Variants in BMERB1 observed in about 807,000 individuals in gnomAD.
BMERB1 encodes the protein bMERB domain containing 1.
Under a neutral mutation model 23.6 loss-of-function variants are expected in BMERB1, and 12 were observed. The ratio of observed to expected loss-of-function variants is 0.51; its 90% CI spans 0.33 to 0.82. The LOEUF (loss-of-function observed/expected upper bound fraction) is 0.82. BMERB1 is among the 40% of genes least tolerant of loss of function. The pLI, the probability that BMERB1 is intolerant of heterozygous loss-of-function variation, is 0.03. For synonymous variants in BMERB1, 122 were observed against 96.6 expected (o/e 1.26, Z -1.54); for missense variants, 247 against 255.4 (o/e 0.97, Z 0.22).
intron 1 of BMERB1, among the ~76,000 whole-genome samples, chr16:15,437,471 C>T (rs939031141): frequency 1.3e-5 from 2 of 152,156 alleles, no homozygotes; most frequent in African/African-American, 2.4e-5. Flanking sequence ...TAGACAGAAC[C>T]TGCTTTTACT....
intron 2 of BMERB1, among the ~76,000 whole-genome samples, chr16:15,534,286 CAAAAAAAAAAAAAAAAA>C (rs1168488547): frequency 7.1e-5 from 3 of 41,960 alleles, no homozygotes; most frequent in Non-Finnish European, 1.1e-4. Context: ...TTTTTAATTG[CAAAAAAAAAAAAAAAAA>C]AAAAAAAAAA....
chr16:15,534,265 C>G (rs2051999947), intron 2 of BMERB1, among the ~76,000 whole-genome samples: 1 of 130,950 alleles, frequency 7.6e-6, no homozygotes, highest in Non-Finnish European at 1.6e-5. Context: ...CCTGCAAAGA[C>G]CTTGATTTTT....
chr16:15,551,044 G>A (rs2030075652), intron 2 of BMERB1, among the ~76,000 whole-genome samples: 1 of 152,174 alleles, frequency 6.6e-6, no homozygotes, highest in African/African-American at 2.4e-5. Flanking sequence ...GCACAAGAGA[G>A]CCCAGATGCT....
At chr16:15,459,299 G>T (rs2051115930) in intron 1 of BMERB1, among the ~76,000 whole-genome samples, 1 of 151,210 alleles carries the variant, frequency 6.6e-6, no homozygotes, top group Non-Finnish European at 1.5e-5. Flanking sequence ...AATGCAAATG[G>T]ATTAAATACT....
At chr16:15,563,382 G>A (rs960415799) in intron 2 of BMERB1, among the ~76,000 whole-genome samples, 1 of 151,934 alleles carries the variant, frequency 6.6e-6, no homozygotes, top group Non-Finnish European at 1.5e-5. Context: ...ACCACGCCCG[G>A]CTAATTTTTC....
At chr16:15,491,465 A>G (rs1399645459) in intron 1 of BMERB1, among the ~76,000 whole-genome samples, 1 of 152,034 alleles carries the variant, frequency 6.6e-6, no homozygotes, top group Non-Finnish European at 1.5e-5. Flanking sequence ...ATTACCTGCC[A>G]CCACGCCCAG....
intron 1 of BMERB1, among the ~76,000 whole-genome samples, chr16:15,513,812 C>T (rs1328514478): frequency 1.3e-5 from 2 of 151,756 alleles, no homozygotes; most frequent in African/African-American, 2.4e-5. Flanking sequence ...GAGAATCACT[C>T]GAACCCGGGA....
At chr16:15,439,390 C>T (rs1243551760) in intron 1 of BMERB1, among the ~76,000 whole-genome samples, 2 of 152,144 alleles carry the variant, frequency 1.3e-5, no homozygotes, top group African/African-American at 4.8e-5. Flanking sequence ...TAGCACAGGG[C>T]CTCACATGCT....
At chr16:15,524,494 G>A (rs1007594795) in intron 2 of BMERB1, among the ~76,000 whole-genome samples, 7 of 152,142 alleles carry the variant, frequency 4.6e-5, no homozygotes, top group Non-Finnish European at 7.4e-5. Context: ...TAGTCTGGGC[G>A]CAGTGGCTCA....
chr16:15,542,195 C>T (rs2052092359), intron 2 of BMERB1, among the ~76,000 whole-genome samples: 1 of 151,824 alleles, frequency 6.6e-6, no homozygotes, highest in Non-Finnish European at 1.5e-5. Context: ...TCCCAAGTAG[C>T]TTGGACTACA....
chr16:15,566,767 A>G (rs2030576874), intron 2 of BMERB1, among the ~76,000 whole-genome samples: 1 of 152,240 alleles, frequency 6.6e-6, no homozygotes, highest in Non-Finnish European at 1.5e-5. Flanking sequence ...ATTTGCATAT[A>G]CTGATATGGA....
At position 15,474,673 on chromosome 16, in the gene BMERB1, C is replaced by T. The variant is rs2051260523; in HGVS notation, c.106+39914C>T. On this transcript the variant is annotated intron_variant, in intron 1 of 5. Coordinates refer to ENST00000300006, the MANE Select transcript of BMERB1 (RefSeq NM_033201.3). ...GGGATTTCAGTCATGAGCCACTGTG[C>T]CTGGCCTTTCTCTTTTTTATTCTTA... 2.6e-5 allele frequency among the ~76,000 whole-genome samples: 4 copies of T among 152,136 alleles called. No homozygotes were observed. In the South Asian group the frequency reaches 8.3e-4, roughly 32 times the overall value.
intron 1 of BMERB1, among the ~76,000 whole-genome samples, chr16:15,491,834 A>C (rs1450382304): frequency 6.6e-6 from 1 of 152,132 alleles, no homozygotes; most frequent in Non-Finnish European, 1.5e-5. Context: ...TATCTGGAGG[A>C]GTCCCCGGGA....
chr16:15,548,063 C>T (rs2150965117), intron 2 of BMERB1, among the ~76,000 whole-genome samples: 1 of 152,288 alleles, frequency 6.6e-6, no homozygotes, highest in African/African-American at 2.4e-5. Flanking sequence ...TGGTTCACTG[C>T]AACTTCTGCC....
intron 1 of BMERB1, among the ~76,000 whole-genome samples, chr16:15,465,109 C>CCACA (rs1305636576): frequency 6.6e-6 from 1 of 151,740 alleles, no homozygotes; most frequent in East Asian, 1.9e-4. Flanking sequence ...TTGCACAGAA[C>CCACA]CACACACACA....
intron 2 of BMERB1, among the ~76,000 whole-genome samples, chr16:15,549,809 G>A (rs576445922): frequency 5.3e-4 from 81 of 152,148 alleles, no homozygotes; most frequent in Non-Finnish European, 4.0e-4. Flanking sequence ...GATTTGTGTC[G>A]TACAAATTAA....
At chr16:15,443,900 A>G (rs868793003) in intron 1 of BMERB1, among the ~76,000 whole-genome samples, 40 of 152,142 alleles carry the variant, frequency 2.6e-4, no homozygotes, top group Middle Eastern at 3.4e-3. Context: ...CAACAGAGCG[A>G]GACTCTGTCT....
chr16:15,444,647 G>C (rs1205390948), intron 1 of BMERB1, among the ~76,000 whole-genome samples: 5 of 152,198 alleles, frequency 3.3e-5, no homozygotes, highest in Non-Finnish European at 5.9e-5. Context: ...TGCCTGCCAG[G>C]CTGGGTGGGA....
chr16:15,480,003 T>TAG (rs1275699946), intron 1 of BMERB1, among the ~76,000 whole-genome samples: 1 of 147,394 alleles, frequency 6.8e-6, no homozygotes, highest in African/African-American at 2.5e-5. Flanking sequence ...AGTTTTCATA[T>TAG]ATATATATAA....
Sources: gnomAD v4.1 joint callset for allele counts (sites outside exome capture counted in the v4.1 genomes callset) on GRCh38, gnomAD v4.1.1 for gene constraint, MANE v1.5 for transcripts, NCBI Gene and HGNC (gene_info 2026-07-23, HGNC 2026-07-21) for gene names.